Variants in PCDHA5 observed in about 807,000 individuals in gnomAD.
PCDHA5 encodes protocadherin alpha 5.
Under a neutral mutation model 61.6 loss-of-function variants are expected in PCDHA5, and 43 were observed. The observed-to-expected ratio is 0.70, with a 90% CI of 0.55 to 0.90. PCDHA5 has a LOEUF of 0.90. Ranked by LOEUF, PCDHA5 falls within the 40% of genes least tolerant of loss-of-function variation. PCDHA5 has a pLI of 0.00. For synonymous variants in PCDHA5, 627 were observed against 543.9 expected (o/e 1.15, Z -2.13); for missense variants, 1,298 against 1,222.7 (o/e 1.06, Z -0.92).
In PCDHA5 at chr5:140,925,899, G is replaced by T. The variant is rs149135478; in HGVS notation, c.2353-53050G>T. ...TATAACCTCCTCTTTCACCCAGATC[G>T]TCAAGGGCCGTTTGCAAAGCACTCC... is the stretch of plus-strand genomic sequence containing the variant. On this transcript the variant is annotated intron_variant, in intron 1 of 3. Transcript: ENST00000529859. Among the ~76,000 whole-genome samples, 277 of 151,958 alleles carry T rather than the reference G, an allele frequency of 1.8e-3. 3 individuals carry two copies. The highest frequency in any genetic ancestry group is 6.4e-3 in the African/African-American group (264 of 41,382).
chr5:140,841,632 T>G lies in PCDHA5; in HGVS notation c.2352+17505T>G, dbSNP rs2150319799. On this transcript the variant is annotated intron_variant, in intron 1 of 3. Transcript: ENST00000529859. ...TGCGGGCGGAGCGCGGAGTGCAGCA[T>G]CCACCTGGAGGTGATCGTGGACAGG... is the stretch of plus-strand genomic sequence containing the variant. The G allele has an allele frequency of 8.1e-6, 13 of 1,614,152 alleles. No homozygotes were observed. In the Admixed American group the frequency reaches 1.8e-4, roughly 23 times the overall value.
At chr5:140,888,159 C>T (rs1468895090) in intron 1 of PCDHA5, among the ~76,000 whole-genome samples, 1 of 152,080 alleles carries the variant, frequency 6.6e-6, no homozygotes, top group Non-Finnish European at 1.5e-5. Flanking sequence ...GACTGGTAAT[C>T]TCTAATAAGA....
At chr5:140,971,692 C>G (rs2096492766) in intron 1 of PCDHA5, among the ~76,000 whole-genome samples, 1 of 152,116 alleles carries the variant, frequency 6.6e-6, no homozygotes, top group South Asian at 2.1e-4. Context: ...TTTGTACTCA[C>G]TAACCACCCT....
intron 1 of PCDHA5, among the ~76,000 whole-genome samples, chr5:140,919,172 A>G (rs144962710): frequency 6.6e-6 from 1 of 152,282 alleles, no homozygotes; most frequent in African/African-American, 2.4e-5. Flanking sequence ...TTTAGTTGCT[A>G]TATCTTCCTG....
intron 1 of PCDHA5, chr5:140,870,518 A>G: frequency 6.2e-7 from 1 of 1,614,230 alleles, no homozygotes; most frequent in Admixed American, 1.7e-5. Context: ...CCAGGCTGCC[A>G]CATCTTCACA....
intron 1 of PCDHA5, among the ~76,000 whole-genome samples, chr5:140,965,277 G>A (rs1209263426): frequency 6.6e-6 from 1 of 152,196 alleles, no homozygotes; most frequent in African/African-American, 2.4e-5. Context: ...CAATGACACA[G>A]CATGGAAAGA....
intron 1 of PCDHA5, chr5:140,850,390 G>A: frequency 6.3e-7 from 1 of 1,597,946 alleles, no homozygotes; most frequent in Non-Finnish European, 8.6e-7. Context: ...GGCGAGATCA[G>A]CACAACGCGT....
In PCDHA5 at chr5:141,010,434, A is replaced by G; in HGVS notation, c.*497A>G. 9.7e-7 allele frequency: 1 copy of G among 1,031,156 alleles called. No homozygotes were observed. Among genetic ancestry groups the G allele is most frequent in the Non-Finnish European group, 1.4e-6 (1 of 732,962 alleles). 63.9% of individuals were successfully genotyped at this position (1,031,156 alleles called of 1,614,324 possible). A position where few individuals can be genotyped will look rare whatever the true frequency, so the allele number is the denominator to read the frequency against. ...TTGGTACAAGGAAGGCAAGAAAACA[A>G]AGACAAATAAACAGCGGAAGTTATC... On this transcript the variant is annotated 3_prime_UTR_variant, in exon 4 of 4. Transcript: ENST00000529859.
At chr5:140,854,858 T>C (rs2043245736) in intron 1 of PCDHA5, among the ~76,000 whole-genome samples, 1 of 149,904 alleles carries the variant, frequency 6.7e-6, no homozygotes. Flanking sequence ...AATTACTAGA[T>C]ATATTTCAGA....
Position 140,843,535 on chromosome 5 carries a change from T to G in PCDHA5, c.2352+19408T>G, listed in dbSNP as rs1554140200. On this transcript the variant is annotated intron_variant, in intron 1 of 3. Coordinates refer to ENST00000529859, the MANE Select transcript of PCDHA5 (RefSeq NM_018908.3). ...GCGGGTGCCGGGCGGGCAAGCCCAC[T>G]CTGGTGTGCTCCAGTGCGGTGGGGA... is the stretch of plus-strand genomic sequence containing the variant. The G allele has an allele frequency of 1.9e-6, 3 of 1,595,872 alleles. 1 individual carries two copies. Among genetic ancestry groups the G allele is most frequent in the Non-Finnish European group, 2.6e-6 (3 of 1,165,468 alleles).
rs2150236253 is a variant in PCDHA5, at chr5:140,835,458, A to G, written c.2352+11331A>G. 2.8e-5 allele frequency: 45 copies of G among 1,613,760 alleles called. No homozygotes were observed. Among genetic ancestry groups the G allele is most frequent in the East Asian group, 4.5e-5 (2 of 44,842 alleles). ...GACTCTCACTTCCCTGTCTCTCCCT[A>G]TTCCAGAGGACGCCCAACCAGGTAC... On this transcript the variant is annotated intron_variant, in intron 1 of 3. Transcript: ENST00000529859.
chr5:140,938,843 C>G (rs1232774282), intron 1 of PCDHA5, among the ~76,000 whole-genome samples: 1 of 152,130 alleles, frequency 6.6e-6, no homozygotes, highest in East Asian at 1.9e-4. Context: ...AACAAACCTG[C>G]CCATGTACCC....
rs2150195630 is a variant in PCDHA5, at chr5:140,831,520, CTTTTTT to C, written c.2352+7412_2352+7417del. Among the ~76,000 whole-genome samples, 55 of 122,392 alleles carry C rather than the reference CTTTTTT, an allele frequency of 4.5e-4. No individual in the cohort carries two copies. The Middle Eastern group carries it at 0.013, about 28-fold the overall frequency. 80.3% of individuals were successfully genotyped at this position (122,392 alleles called of 152,430 possible). On this transcript the variant is annotated intron_variant, in intron 1 of 3. Transcript: ENST00000529859. ...ACACGAGCACCACCATGCCCCCCAC[CTTTTTT>C]TTTTTTTTTTTTTTTTTTAAGAGAT...
At chr5:140,969,765 G>T (rs1445266469) in intron 1 of PCDHA5, among the ~76,000 whole-genome samples, 5 of 152,148 alleles carry the variant, frequency 3.3e-5, no homozygotes, top group Non-Finnish European at 7.3e-5. Flanking sequence ...AAGCTCTGAG[G>T]CCTCTAGGGG....
At chr5:140,824,635 T>TTTTTTTTTTTTC (rs1768301721) in intron 1 of PCDHA5, 1 of 144,392 alleles carries the variant, frequency 6.9e-6, no homozygotes, top group African/African-American at 2.7e-5. Flanking sequence ...TTTTTTTTAT[T>TTTTTTTTTTTTC]TTCTGTAGAG....
intron 1 of PCDHA5, among the ~76,000 whole-genome samples, chr5:140,898,020 AC>A (rs1483113036): frequency 6.6e-6 from 1 of 152,078 alleles, no homozygotes; most frequent in Non-Finnish European, 1.5e-5. Flanking sequence ...TCCTTTGCCC[AC>A]TTTTTGATGG....
chr5:140,984,428 G>A (rs2097103075), intron 3 of PCDHA5, among the ~76,000 whole-genome samples: 1 of 152,100 alleles, frequency 6.6e-6, no homozygotes, highest in African/African-American at 2.4e-5. Context: ...ATAGAGAAGG[G>A]GATCTCCCTT....
In PCDHA5 at chr5:140,929,084, T is replaced by C; in HGVS notation, c.2353-49865T>C. On this transcript the variant is annotated intron_variant, in intron 1 of 3. Transcript: ENST00000529859. ...GAGGATCTGAGGTATGGAAGTAAGATGGTTTCAAATCCTTGCATGACATCA... is the reference window on the plus strand; with the variant it reads ...GAGGATCTGAGGTATGGAAGTAAGACGGTTTCAAATCCTTGCATGACATCA... The C allele has an allele frequency of 1.9e-6, 3 of 1,614,160 alleles. No individual in the cohort carries two copies. The South Asian group carries it at 3.3e-5, about 18-fold the overall frequency.
chr5:140,870,764 T>A, intron 1 of PCDHA5: 1 of 1,613,600 alleles, frequency 6.2e-7, no homozygotes, highest in Non-Finnish European at 8.5e-7. Flanking sequence ...CAGGTGTTCG[T>A]GCTGGACGAG....
Sources: gnomAD v4.1 joint callset for allele counts (sites outside exome capture counted in the v4.1 genomes callset) on GRCh38, gnomAD v4.1.1 for gene constraint, MANE v1.5 for transcripts, NCBI Gene and HGNC (gene_info 2026-07-23, HGNC 2026-07-21) for gene names.